The following CNTN3 variants were observed in gnomAD, a reference collection of about 807,000 sequenced individuals.
CNTN3 encodes contactin 3, also known as contactin-3.
In CNTN3, 60 loss-of-function variants were observed where a neutral mutation model predicts 119.1. The observed-to-expected ratio is 0.50, with a 90% CI of 0.41 to 0.62. The LOEUF is 0.62. Among genes scored for constraint, CNTN3 ranks in the 20% least tolerant of loss-of-function variants. The probability of loss-of-function intolerance (pLI) is 0.00; values close to 1 mark genes in which losing one functional copy is unlikely to be tolerated. For synonymous variants in CNTN3, 450 were observed against 438.7 expected (o/e 1.03, Z -0.32); for missense variants, 1,101 against 1,242.4 (o/e 0.89, Z 1.71).
At chr3:74,359,669 G>A (rs1421981427) in intron 11 of CNTN3, among the ~76,000 whole-genome samples, 1 of 152,090 alleles carries the variant, frequency 6.6e-6, no homozygotes, top group Non-Finnish European at 1.5e-5. Context: ...ATCTCCTTGT[G>A]TATCACTAGC....
At chr3:74,614,065 CACA>C (rs1183597132) in intron 1 of CNTN3, among the ~76,000 whole-genome samples, 1 of 152,076 alleles carries the variant, frequency 6.6e-6, no homozygotes, top group Non-Finnish European at 1.5e-5. Context: ...CCCTAGGAGT[CACA>C]ACTTTTTTCC....
intron 11 of CNTN3, among the ~76,000 whole-genome samples, chr3:74,361,368 G>C (rs948489867): frequency 2.0e-5 from 3 of 152,166 alleles, no homozygotes; most frequent in Non-Finnish European, 4.4e-5. Context: ...TTTGAATCCA[G>C]GTGGTCTAGC....
intron 17 of CNTN3, among the ~76,000 whole-genome samples, 160 bp from the exon 18 acceptor site, chr3:74,298,351 AG>A (rs1173777274): frequency 1.3e-5 from 2 of 152,208 alleles, no homozygotes. Flanking sequence ...TCAGCAGGAG[AG>A]TCATGTCAGC....
At chr3:74,494,738 C>T (rs564385958) in intron 3 of CNTN3, among the ~76,000 whole-genome samples, 1 of 152,092 alleles carries the variant, frequency 6.6e-6, no homozygotes, top group African/African-American at 2.4e-5. Context: ...TTTGTTGATG[C>T]CACTAATTAG....
intron 1 of CNTN3, among the ~76,000 whole-genome samples, chr3:74,553,663 G>T (rs139312826): frequency 6.6e-6 from 1 of 151,910 alleles, no homozygotes; most frequent in Admixed American, 6.6e-5. Context: ...TTGTGGTTTT[G>T]ATTTGCATTT....
At chr3:74,386,950 G>A (rs1020800704) in intron 5 of CNTN3, among the ~76,000 whole-genome samples, 1 of 152,234 alleles carries the variant, frequency 6.6e-6, no homozygotes, top group Non-Finnish European at 1.5e-5. Flanking sequence ...ATATACTGCA[G>A]TGAACCAGCC....
intron 8 of CNTN3, among the ~76,000 whole-genome samples, chr3:74,367,907 G>C (rs371513679): frequency 1.3e-5 from 2 of 152,042 alleles, no homozygotes; most frequent in African/African-American, 4.8e-5. Context: ...GCAGAAAGAA[G>C]GAACTAAGCT....
At chr3:74,288,024 T>C (rs1293104922) in intron 19 of CNTN3, among the ~76,000 whole-genome samples, 1 of 152,206 alleles carries the variant, frequency 6.6e-6, no homozygotes, top group East Asian at 1.9e-4. Flanking sequence ...TGCATTCAAC[T>C]TGTGCTACAG....
intron 1 of CNTN3, among the ~76,000 whole-genome samples, chr3:74,568,367 T>C (rs1704258717): frequency 6.6e-6 from 1 of 152,180 alleles, no homozygotes; most frequent in South Asian, 2.1e-4. Flanking sequence ...TTCTTTAACT[T>C]AATATGGCAC....
intron 5 of CNTN3, among the ~76,000 whole-genome samples, chr3:74,395,513 T>C (rs1413870190): frequency 6.6e-6 from 1 of 152,204 alleles, no homozygotes; most frequent in African/African-American, 2.4e-5. Flanking sequence ...AAAGGTTATA[T>C]AAGTGCCTAA....
chr3:74,586,096 C>G (rs1704588362), intron 1 of CNTN3, among the ~76,000 whole-genome samples: 8 of 152,028 alleles, frequency 5.3e-5, no homozygotes, highest in Admixed American at 4.6e-4. Context: ...TCTTCAAACT[C>G]CAAAGAAAAG....
intron 1 of CNTN3, among the ~76,000 whole-genome samples, chr3:74,556,954 A>G (rs181899868): frequency 2.0e-4 from 30 of 152,310 alleles, no homozygotes; most frequent in Admixed American, 4.6e-4. Context: ...AGAAACATCA[A>G]TTCAAATCCT....
intron 1 of CNTN3, among the ~76,000 whole-genome samples, chr3:74,569,038 G>A (rs1704269779): frequency 6.6e-6 from 1 of 152,174 alleles, no homozygotes; most frequent in South Asian, 2.1e-4. Context: ...AGTGCTCTGG[G>A]AGGGAGGCTT....
intron 11 of CNTN3, 49 bp downstream of exon 11, chr3:74,361,841 T>G (rs371182730): frequency 6.4e-7 from 1 of 1,553,600 alleles, no homozygotes; most frequent in South Asian, 1.2e-5. Flanking sequence ...GACATCAGTA[T>G]GGAAAGTGAG....
Position 74,285,451 on chromosome 3 carries a change from C to A in CNTN3, c.2558G>T (p.Ser853Ile). The A allele has an allele frequency of 6.2e-7, 1 of 1,612,678 alleles. No homozygotes were observed. Among genetic ancestry groups the A allele is most frequent in the Non-Finnish European group, 8.5e-7 (1 of 1,179,346 alleles). The change falls in exon 20 of 23, where the codon AGT becomes ATT. Residue 853 changes from serine to isoleucine, a missense_variant. Physicochemically the swap from Ser to Ile is moderately radical, Grantham distance 142 (BLOSUM62 -2). Coordinates refer to ENST00000263665, the MANE Select transcript of CNTN3 (RefSeq NM_020872.3). The stretch of plus-strand genomic sequence containing the variant: ...CTCATTTCCTGCCACTTTCATCTTA[C>A]TGGATGATTCCTCCTTTCCACCCCC... ...WNGGGKEESS[S>I]KMKVAGNETS...
At chr3:74,460,939 A>G (rs1702356146) in intron 4 of CNTN3, among the ~76,000 whole-genome samples, 1 of 150,866 alleles carries the variant, frequency 6.6e-6, no homozygotes, top group Non-Finnish European at 1.5e-5. Flanking sequence ...TTAGGAAACC[A>G]TTCAGTTTCC....
chr3:74,371,165 C>G, intron 6 of CNTN3, 31 bp downstream of exon 6: 1 of 1,544,662 alleles, frequency 6.5e-7, no homozygotes, highest in Non-Finnish European at 8.9e-7. Context: ...ACCATTTACG[C>G]TCAGAAGTGC....
chr3:74,584,327 A>G (rs2106673620), intron 1 of CNTN3, among the ~76,000 whole-genome samples: 1 of 152,280 alleles, frequency 6.6e-6, no homozygotes, highest in African/African-American at 2.4e-5. Context: ...CTTGTGATAT[A>G]CTTTTGATAT....
At chr3:74,329,460 C>T (rs1451235912) in intron 13 of CNTN3, among the ~76,000 whole-genome samples, 2 of 152,136 alleles carry the variant, frequency 1.3e-5, no homozygotes, top group Admixed American at 1.3e-4. Flanking sequence ...TTTATCAAAG[C>T]ATATATATTT....
Sources: allele counts gnomAD v4.1 joint callset (sites outside exome capture counted in the v4.1 genomes callset), GRCh38; gene constraint gnomAD v4.1.1; transcripts MANE v1.5; gene names NCBI Gene and HGNC (gene_info 2026-07-23, HGNC 2026-07-21).